ROCK2: variants seen among roughly 807,000 people sequenced by gnomAD.
ROCK2 encodes the protein rho-associated protein kinase 2.
In ROCK2, 61 loss-of-function variants were observed where a neutral mutation model predicts 195.1. The ratio of observed to expected loss-of-function variants is 0.31; its 90% CI spans 0.25 to 0.39. The LOEUF is 0.39. Ranked by LOEUF, ROCK2 falls within the 10% of genes least tolerant of loss-of-function variation. ROCK2 has a pLI of 1.00. For missense variants in ROCK2, 1,109 were observed against 1,637.4 expected, an observed-to-expected ratio of 0.68 and a Z score of 5.57; for synonymous variants, 504 against 545.5, an observed-to-expected ratio of 0.92 and a Z score of 1.06.
intron 1 of ROCK2, among the ~76,000 whole-genome samples, chr2:11,327,357 T>C (rs151092374): frequency 6.6e-6 from 1 of 152,300 alleles, no homozygotes; most frequent in African/African-American, 2.4e-5. Context: ...TTTCAGGTAA[T>C]GGTGAGGTCC....
intron 1 of ROCK2, among the ~76,000 whole-genome samples, chr2:11,303,839 G>T (rs981720877): frequency 1.3e-5 from 2 of 151,938 alleles, no homozygotes; most frequent in African/African-American, 4.8e-5. Context: ...CTAATCCAAT[G>T]ATCATGTCTC....
At chr2:11,321,437 A>G (rs1361434003) in intron 1 of ROCK2, among the ~76,000 whole-genome samples, 1 of 151,310 alleles carries the variant, frequency 6.6e-6, no homozygotes, top group Non-Finnish European at 1.5e-5. Flanking sequence ...CAGCCTCCCA[A>G]GTGCTGGGAT....
At chr2:11,248,708 CAAAAAAAAAAAAAAAAA>C (rs70953372) in intron 4 of ROCK2, among the ~76,000 whole-genome samples, 13 of 45,418 alleles carry the variant, frequency 2.9e-4, no homozygotes, top group East Asian at 7.7e-4. Flanking sequence ...GACTTCATCT[CAAAAAAAAAAAAAAAAA>C]AAAAAAAAAA....
intron 3 of ROCK2, among the ~76,000 whole-genome samples, chr2:11,283,175 GA>G (rs1380774973): frequency 3.3e-5 from 5 of 151,708 alleles, no homozygotes; most frequent in Admixed American, 2.0e-4. Context: ...GCTGAGGCAG[GA>G]AGAATCACTG....
At chr2:11,234,528 G>C (rs1364398531) in intron 5 of ROCK2, 1 of 152,018 alleles carries the variant, frequency 6.6e-6, no homozygotes, top group Admixed American at 6.6e-5. Flanking sequence ...CCACAAGAGG[G>C]AGCTTTGGGT....
intron 18 of ROCK2, among the ~76,000 whole-genome samples, chr2:11,210,022 G>A (rs1241783238): frequency 6.6e-6 from 1 of 152,188 alleles, no homozygotes; most frequent in Admixed American, 6.5e-5. Flanking sequence ...GGTGAGCCAT[G>A]TTCTTAATCC....
In ROCK2 at chr2:11,192,015, A is replaced by G. The variant is rs1663441272; in HGVS notation, c.4163+133T>C. 1 of 636,128 alleles carries G rather than the reference A, an allele frequency of 1.6e-6. No homozygotes were observed. The highest frequency in any genetic ancestry group is 3.1e-5 in the Admixed American group (1 of 31,946). 39.4% of individuals were successfully genotyped at this position (636,128 alleles called of 1,614,324 possible). ...TGACATGCACATTAAGACAGTTCCA[A>G]CATTTGGTATTCCATAGTTAACTAA... On this transcript the variant is annotated intron_variant, in intron 32 of 32. Transcript: ENST00000315872. This position sits in a 1 kb window ranked among gnomAD's most constrained non-coding sequence, Gnocchi z 5.0.
chr2:11,191,934 GTA>G (rs1236464816), intron 32 of ROCK2, among the ~76,000 whole-genome samples: 2 of 152,106 alleles, frequency 1.3e-5, no homozygotes, highest in Non-Finnish European at 2.9e-5. Context: ...TGAATTTACT[GTA>G]TGTGTGTGAT....
intron 3 of ROCK2, among the ~76,000 whole-genome samples, chr2:11,282,327 C>T (rs1177487191): frequency 5.9e-5 from 9 of 151,562 alleles, no homozygotes; most frequent in Non-Finnish European, 8.8e-5. Flanking sequence ...CTCCAGCCTG[C>T]GCAACAGAGG....
intron 32 of ROCK2, among the ~76,000 whole-genome samples, chr2:11,187,527 C>A (rs1338515825): frequency 6.6e-6 from 1 of 152,192 alleles, no homozygotes; most frequent in Admixed American, 6.5e-5. Flanking sequence ...TCAGGCTGAT[C>A]ACTTTTTTTT....
chr2:11,254,988 C>A (rs970239339), intron 3 of ROCK2, among the ~76,000 whole-genome samples: 1 of 151,764 alleles, frequency 6.6e-6, no homozygotes, highest in African/African-American at 2.4e-5. Flanking sequence ...GAGGCTGAGG[C>A]GGGCAGATCA....
intron 1 of ROCK2, among the ~76,000 whole-genome samples, chr2:11,325,525 T>C (rs1012234851): frequency 6.6e-6 from 1 of 152,120 alleles, no homozygotes; most frequent in Non-Finnish European, 1.5e-5. Context: ...AGAAAAATGG[T>C]GCAGCTTCAA....
At chr2:11,271,026 A>AGTCTCTG (rs1666609109) in intron 3 of ROCK2, among the ~76,000 whole-genome samples, 1 of 152,048 alleles carries the variant, frequency 6.6e-6, no homozygotes, top group Non-Finnish European at 1.5e-5. Flanking sequence ...GCAGTGTTCT[A>AGTCTCTG]TAGTCTTATG....
At chr2:11,290,433 A>G (rs1667325973) in intron 1 of ROCK2, among the ~76,000 whole-genome samples, 1 of 151,988 alleles carries the variant, frequency 6.6e-6, no homozygotes, top group Non-Finnish European at 1.5e-5. Flanking sequence ...ACCCCATCTC[A>G]TTTTTTTTAA....
intron 1 of ROCK2, among the ~76,000 whole-genome samples, chr2:11,302,020 G>A (rs1231816040): frequency 2.0e-5 from 3 of 151,850 alleles, no homozygotes; most frequent in Non-Finnish European, 4.4e-5. Context: ...TGACTAGGCT[G>A]GTCTCGAATT....
chr2:11,296,050 GAA>G lies in ROCK2; in HGVS notation c.142-8316_142-8315del, dbSNP rs1249653168. On this transcript the variant is annotated intron_variant, in intron 1 of 32. Coordinates refer to ENST00000315872, the MANE Select transcript of ROCK2 (RefSeq NM_004850.5). ...AGAGAGAGAGAGAGAGAGAGAGAGA[GAA>G]AACAAAGGGTCTCAAAGCAGAATAA... 4.1e-3 allele frequency among the ~76,000 whole-genome samples: 583 copies of G among 143,850 alleles called. 10 individuals carry two copies. Among genetic ancestry groups the G allele is most frequent in the Non-Finnish European group, 6.4e-3 (427 of 66,472 alleles). The allele number at this position is 143,850 out of a possible 152,430, so 94.4% of individuals were successfully genotyped here. A position where few individuals can be genotyped will look rare whatever the true frequency, so the allele number is the denominator to read the frequency against.
At chr2:11,234,176 T>G (rs1481473899) in intron 5 of ROCK2, 1 of 152,182 alleles carries the variant, frequency 6.6e-6, no homozygotes, top group African/African-American at 2.4e-5. Flanking sequence ...CTTTGCCTTA[T>G]AAAGAGACAA....
chr2:11,240,851 TAC>T (rs1665400017), intron 4 of ROCK2, among the ~76,000 whole-genome samples: 1 of 152,256 alleles, frequency 6.6e-6, no homozygotes, highest in Non-Finnish European at 1.5e-5. Context: ...ATAGTTATTA[TAC>T]CTCAATAAAA....
At chr2:11,312,326 A>T (rs1230023274) in intron 1 of ROCK2, among the ~76,000 whole-genome samples, 1 of 152,144 alleles carries the variant, frequency 6.6e-6, no homozygotes, top group African/African-American at 2.4e-5. Flanking sequence ...GTACAATTTG[A>T]TAAGTTTTGT....
Sources: allele counts gnomAD v4.1 joint callset (sites outside exome capture counted in the v4.1 genomes callset), GRCh38; gene constraint gnomAD v4.1.1; non-coding constraint Gnocchi (gnomAD v3.1); transcripts MANE v1.5; gene names NCBI Gene and HGNC (gene_info 2026-07-23, HGNC 2026-07-21).